TCF25: variants seen among roughly 807,000 people sequenced by gnomAD.
The protein encoded by TCF25 is ribosome quality control complex subunit TCF25.
TCF25 carries 41 observed loss-of-function variants against 83.1 expected under a neutral mutation model. The ratio of observed to expected loss-of-function variants is 0.49; its 90% CI spans 0.38 to 0.64. The LOEUF (loss-of-function observed/expected upper bound fraction) is 0.64, where lower values mean the gene tolerates loss of function less well. Among genes scored for constraint, TCF25 ranks in the 30% least tolerant of loss-of-function variants. The pLI is 0.00. For synonymous variants in TCF25, 458 were observed against 365.0 expected (o/e 1.25, Z -2.90); for missense variants, 979 against 914.5 (o/e 1.07, Z -0.91).
chr16:89,895,018 G>T lies in TCF25; in HGVS notation c.829-20G>T, dbSNP rs1259269918. On this transcript the variant is annotated intron_variant, in intron 7 of 17. Transcript: ENST00000263346. ...CCTTGCTGAGTGCCTTTCCTCCAGG[G>T]CTGTCCTCCCTTCTGGTAGGTTCTG... The T allele has an allele frequency of 5.0e-6, 8 of 1,609,008 alleles. No homozygotes were observed. Among genetic ancestry groups the T allele is most frequent in the African/African-American group, 2.7e-5 (2 of 74,846 alleles).
At chr16:89,908,779 T>A (rs113466385) in intron 16 of TCF25, among the ~76,000 whole-genome samples, 8 of 3,718 alleles carry the variant, frequency 2.2e-3, no homozygotes, top group Admixed American at 6.3e-3. Context: ...CCCGCCTCCC[T>A]CCTCCCAGTT....
At chr16:89,879,160 T>C (rs533298739) in intron 1 of TCF25, among the ~76,000 whole-genome samples, 1 of 150,536 alleles carries the variant, frequency 6.6e-6, no homozygotes, top group Non-Finnish European at 1.5e-5. Context: ...GTGCTGTTCG[T>C]GTACACAGAC....
intron 16 of TCF25, chr16:89,909,027 C>A: frequency 1.6e-6 from 2 of 1,289,546 alleles, no homozygotes; most frequent in Non-Finnish European, 2.0e-6. Flanking sequence ...TTGCAGGCCA[C>A]GTTCTTTCCC....
At chr16:89,884,356 G>A (rs527624661) in intron 2 of TCF25, among the ~76,000 whole-genome samples, 47 of 152,288 alleles carry the variant, frequency 3.1e-4, no homozygotes, top group African/African-American at 1.0e-3. Flanking sequence ...GAGCCTGTGA[G>A]GCTGGACACA....
At position 89,892,100 on chromosome 16, in the gene TCF25, T is replaced by C. The variant is rs1190934823; in HGVS notation, c.615-93T>C. On this transcript the variant is annotated intron_variant, in intron 5 of 17. Coordinates refer to ENST00000263346, the MANE Select transcript of TCF25 (RefSeq NM_014972.3). ...ACATGCCTTCTCTGCCCCTCAGTTT[T>C]GCTTCCACAGCCCGTGCAGGGATCA... 2.4e-6 allele frequency: 3 copies of C among 1,259,384 alleles called. No individual in the cohort carries two copies. The African/African-American group carries it at 4.6e-5, about 19-fold the overall frequency. 78.0% of individuals were successfully genotyped at this position (1,259,384 alleles called of 1,614,324 possible). A position where few individuals can be genotyped will look rare whatever the true frequency, so the allele number is the denominator to read the frequency against.
At chr16:89,889,155 G>C (rs1194431725) in intron 5 of TCF25, 33 of 366,254 alleles carry the variant, frequency 9.0e-5, no homozygotes, top group Non-Finnish European at 1.6e-5. Context: ...TTCCACCTCT[G>C]GACTCTCCAT....
At chr16:89,910,783 G>T in intron 17 of TCF25, 120 bp downstream of exon 17, 1 of 1,208,898 alleles carries the variant, frequency 8.3e-7, no homozygotes, top group South Asian at 1.3e-5. Context: ...GAGCAGGGAA[G>T]GACCAAGGCT....
chr16:89,900,872 G>C lies in TCF25; in HGVS notation c.1381+78G>C, dbSNP rs185735777. ...GGGGCTGCTCTTCCTGGTGGTGGAGGCCAGGTCCCAGTCCTTCCCCACACT... is the reference window on the plus strand; with the variant it reads ...GGGGCTGCTCTTCCTGGTGGTGGAGCCCAGGTCCCAGTCCTTCCCCACACT... On this transcript the variant is annotated intron_variant, in intron 12 of 17. Coordinates refer to ENST00000263346, the MANE Select transcript of TCF25 (RefSeq NM_014972.3). The C allele has an allele frequency of 3.4e-5, 48 of 1,392,372 alleles. No homozygotes were observed. In the Admixed American group the frequency reaches 9.9e-4, roughly 29 times the overall value. 86.3% of individuals were successfully genotyped at this position (1,392,372 alleles called of 1,614,324 possible).
intron 1 of TCF25, among the ~76,000 whole-genome samples, chr16:89,876,794 C>G (rs1195493676): frequency 6.6e-6 from 1 of 151,994 alleles, no homozygotes; most frequent in African/African-American, 2.4e-5. Flanking sequence ...CCGGGTGTGG[C>G]GGCGGGAGCC....
intron 12 of TCF25, among the ~76,000 whole-genome samples, chr16:89,902,585 A>G (rs2044426787): frequency 6.8e-6 from 1 of 147,534 alleles, no homozygotes; most frequent in Admixed American, 6.7e-5. Context: ...GCTACTTGGG[A>G]GGCTGAGGCA....
intron 12 of TCF25, among the ~76,000 whole-genome samples, chr16:89,903,180 T>G (rs116083726): frequency 0.055 from 8,423 of 152,300 alleles, 538 homozygotes; most frequent in African/African-American, 0.15. Flanking sequence ...CGTCAGCACC[T>G]CCCTTGAAGG....
intron 14 of TCF25, among the ~76,000 whole-genome samples, chr16:89,905,629 C>T (rs1322470068): frequency 6.6e-6 from 1 of 152,202 alleles, no homozygotes; most frequent in Non-Finnish European, 1.5e-5. Flanking sequence ...GGGAGTGGTG[C>T]CCATTTGCAT....
At chr16:89,899,778 C>G (rs1247641260) in intron 11 of TCF25, among the ~76,000 whole-genome samples, 2 of 151,962 alleles carry the variant, frequency 1.3e-5, no homozygotes, top group Non-Finnish European at 2.9e-5. Flanking sequence ...CCATTATGTT[C>G]CTATGGGGCA....
Position 89,873,720 on chromosome 16 carries a change from C to T in TCF25, c.53C>T (p.Pro18Leu), listed in dbSNP as rs1299564515. 1 of 1,611,042 alleles carries T rather than the reference C, an allele frequency of 6.2e-7. No homozygotes were observed. The change falls in exon 1 of 18, where the codon CCC (proline) becomes CTC (leucine). Residue 18 changes from proline to leucine, a missense_variant. Pro to Leu is a moderately conservative substitution (Grantham distance 98). Transcript: ENST00000263346. ...RLRGEQRGQE[P>L]LGPGALHFDL... is the part of the protein sequence containing the mutation. ...AGGGGGGAACAGCGCGGCCAGGAGC[C>T]CCTCGGGCCCGGCGCCTTGCATTTC...
intron 9 of TCF25, among the ~76,000 whole-genome samples, chr16:89,896,611 G>T (rs1336055245): frequency 6.6e-6 from 1 of 150,618 alleles, no homozygotes; most frequent in Non-Finnish European, 1.5e-5. Flanking sequence ...CGGAGTGCAG[G>T]GGCGCGATCT....
chr16:89,882,448 G>A (rs914918074), intron 1 of TCF25, among the ~76,000 whole-genome samples: 1 of 152,164 alleles, frequency 6.6e-6, no homozygotes, highest in African/African-American at 2.4e-5. Context: ...TGAGGCAGGA[G>A]GATGCTTGAA....
At chr16:89,890,880 A>AT (rs1288124998) in intron 5 of TCF25, among the ~76,000 whole-genome samples, 1 of 152,090 alleles carries the variant, frequency 6.6e-6, no homozygotes, top group African/African-American at 2.4e-5. Flanking sequence ...TTCTTTAAAA[A>AT]TTTAAGTCCT....
At chr16:89,883,795 C>A (rs532274628) in intron 2 of TCF25, 1 of 343,472 alleles carries the variant, frequency 2.9e-6, no homozygotes. Context: ...GCACGTGTGT[C>A]CCTCCTAGCC....
At chr16:89,873,977 G>C (rs2041952851) in intron 1 of TCF25, 118 bp downstream of exon 1, 1 of 1,282,910 alleles carries the variant, frequency 7.8e-7, no homozygotes, top group African/African-American at 1.6e-5. Context: ...AGGGTGACGT[G>C]GGTCCCAGCC....
Sources: allele counts gnomAD v4.1 joint callset (sites outside exome capture counted in the v4.1 genomes callset), GRCh38; gene constraint gnomAD v4.1.1; transcripts MANE v1.5; gene names NCBI Gene and HGNC (gene_info 2026-07-23, HGNC 2026-07-21).